The following SDAD1 variants were observed in gnomAD, a reference collection of about 807,000 sequenced individuals.
SDAD1 encodes the protein SDA1 domain containing 1, also known as protein SDA1 homolog.
In SDAD1, 79 loss-of-function variants were observed where a neutral mutation model predicts 100.3. That is an observed-to-expected ratio of 0.79 (90% CI 0.66 to 0.95). The LOEUF (loss-of-function observed/expected upper bound fraction) is 0.95. Ranked by LOEUF, SDAD1 falls within the 40% of genes least tolerant of loss-of-function variation. The pLI, the probability that SDAD1 is intolerant of heterozygous loss-of-function variation, is 0.00. For missense variants in SDAD1, 790 were observed against 810.9 expected, an observed-to-expected ratio of 0.97 and a Z score of 0.31; for synonymous variants, 267 against 271.4, an observed-to-expected ratio of 0.98 and a Z score of 0.16.
chr4:75,985,949 T>G (rs1220720960), intron 1 of SDAD1, among the ~76,000 whole-genome samples: 2 of 152,114 alleles, frequency 1.3e-5, no homozygotes, highest in Non-Finnish European at 2.9e-5. Flanking sequence ...AATTCCATGA[T>G]CAATCATTAT....
At position 75,990,915 on chromosome 4, in the gene SDAD1, A is replaced by C. The variant is rs1731234633; in HGVS notation, c.-74T>G. 3 of 1,579,238 alleles carry C rather than the reference A, an allele frequency of 1.9e-6. No individual in the cohort carries two copies. The African/African-American group carries it at 4.0e-5, about 21-fold the overall frequency. On this transcript the variant is annotated 5_prime_UTR_variant, in exon 1 of 22. Coordinates refer to ENST00000356260, the MANE Select transcript of SDAD1 (RefSeq NM_018115.4). ...CGGCCGGCACCCCGCAATCCCTGCCAGCTGCAGCTTGGACTCGTGTTTCCG... is the reference window on the plus strand; with the variant it reads ...CGGCCGGCACCCCGCAATCCCTGCCCGCTGCAGCTTGGACTCGTGTTTCCG...
chr4:75,970,242 C>T, intron 10 of SDAD1, 67 bp downstream of exon 10: 1 of 1,346,034 alleles, frequency 7.4e-7, no homozygotes, highest in Non-Finnish European at 1.1e-6. Context: ...CCTGAAAACC[C>T]CAAAGGCAGG....
chr4:75,979,399 T>C (rs1451552971), intron 3 of SDAD1, among the ~76,000 whole-genome samples: 1 of 152,124 alleles, frequency 6.6e-6, no homozygotes, highest in South Asian at 2.1e-4. Flanking sequence ...GTGTGTTCAA[T>C]GCTTCCTCTA....
At chr4:75,964,233 G>A in intron 13 of SDAD1, 22 bp from the exon 14 acceptor site, 1 of 1,469,366 alleles carries the variant, frequency 6.8e-7, no homozygotes, top group Non-Finnish European at 9.5e-7. Context: ...ACAAAAAAGA[G>A]ATGGGTGCTG....
chr4:75,968,686 T>C (rs1166821893), intron 11 of SDAD1, among the ~76,000 whole-genome samples: 2 of 152,150 alleles, frequency 1.3e-5, no homozygotes, highest in African/African-American at 4.8e-5. Context: ...ATGTGCATTA[T>C]ATTGGCTCAA....
intron 17 of SDAD1, among the ~76,000 whole-genome samples, chr4:75,959,569 A>G (rs1368548199): frequency 1.3e-5 from 2 of 151,792 alleles, no homozygotes; most frequent in Non-Finnish European, 2.9e-5. Context: ...GTACCACTGC[A>G]CTCCAGCCTG....
chr4:75,967,913 G>C (rs1209159661), intron 11 of SDAD1, among the ~76,000 whole-genome samples: 3 of 152,102 alleles, frequency 2.0e-5, no homozygotes, highest in African/African-American at 4.8e-5. Context: ...AAGGTGACCA[G>C]GGTTATTAAG....
At chr4:75,989,508 A>G (rs185419501) in intron 1 of SDAD1, among the ~76,000 whole-genome samples, 1 of 152,298 alleles carries the variant, frequency 6.6e-6, no homozygotes, top group Admixed American at 6.5e-5. Context: ...GTTATATGTG[A>G]TTTTGCATAT....
chr4:75,984,778 AACACACACACACACACACAC>A (rs35320227), intron 1 of SDAD1, among the ~76,000 whole-genome samples: 1 of 136,928 alleles, frequency 7.3e-6, no homozygotes, highest in Non-Finnish European at 1.6e-5. Flanking sequence ...CACACACACA[AACACACACACACACACACAC>A]ACACACACAC....
At chr4:75,963,663 T>C (rs1003406089) in intron 14 of SDAD1, among the ~76,000 whole-genome samples, 2 of 152,076 alleles carry the variant, frequency 1.3e-5, no homozygotes, top group Admixed American at 6.5e-5. Flanking sequence ...CAGTGAGTTA[T>C]AAAAAAGTGA....
chr4:75,978,983 A>G (rs1255864256), intron 3 of SDAD1, among the ~76,000 whole-genome samples: 3 of 64,008 alleles, frequency 4.7e-5, no homozygotes, highest in Non-Finnish European at 7.6e-5. Flanking sequence ...CCTGTCTCAG[A>G]AAAAAAAAAA....
rs376569751 is a variant in SDAD1 at position 75,974,097 on chromosome 4, T to C, written c.615A>G (p.Ala205=). ...DAKTVNVITT[A]CFSKVTKILV... The stretch of plus-strand genomic sequence containing the variant: ...TCACCTTGGTGACCTTAGAGAAACA[T>C]GCAGTTGTGATAACATTGACAGTTT... Residue 205 remains alanine (A), a synonymous_variant, in exon 7 of 22, where the codon GCA becomes GCG. Transcript: ENST00000356260. 6.2e-7 allele frequency: 1 copy of C among 1,613,748 alleles called. No individual in the cohort carries two copies. Among genetic ancestry groups the C allele is most frequent in the Non-Finnish European group, 8.5e-7 (1 of 1,179,780 alleles).
At chr4:75,976,043 T>C in intron 4 of SDAD1, 48 bp from the exon 5 acceptor site, 1 of 1,194,972 alleles carries the variant, frequency 8.4e-7, no homozygotes, top group Non-Finnish European at 1.2e-6. Context: ...ACCAACATTT[T>C]TAACCTTGCT....
chr4:75,950,124 A>C lies in SDAD1; in HGVS notation c.*626T>G, dbSNP rs1728545267. 8.1e-6 allele frequency: 1 copy of C among 122,940 alleles called. No individual in the cohort carries two copies. Among genetic ancestry groups the C allele is most frequent in the Admixed American group, 8.5e-5 (1 of 11,706 alleles). The allele number at this position is 122,940 out of a possible 1,614,324, so 7.6% of individuals were successfully genotyped here. On this transcript the variant is annotated 3_prime_UTR_variant, in exon 22 of 22. Transcript: ENST00000356260. ...TGGCATTCAAAACAAAAACAAAAAC[A>C]AAAAAAACACGGGGGGGGGGGGGTC... is the stretch of plus-strand genomic sequence containing the variant.
chr4:75,951,255 C>CA lies in SDAD1; in HGVS notation c.2017-459dup, dbSNP rs534612063. 2.4e-3 allele frequency among the ~76,000 whole-genome samples: 365 copies of CA among 152,246 alleles called. 2 individuals carry two copies. The highest frequency in any genetic ancestry group is 4.1e-3 in the Non-Finnish European group (280 of 68,006). On this transcript the variant is annotated intron_variant, in intron 21 of 21. Coordinates refer to ENST00000356260, the MANE Select transcript of SDAD1 (RefSeq NM_018115.4). ...CTAAATATGGCATGTATGGATCACT[C>CA]AAAGATTTTATAATGGCATTCAGCA... is the stretch of plus-strand genomic sequence containing the variant.
chr4:75,975,578 A>G (rs1241415123), intron 6 of SDAD1, among the ~76,000 whole-genome samples, 166 bp downstream of exon 6: 1 of 152,232 alleles, frequency 6.6e-6, no homozygotes, highest in Non-Finnish European at 1.5e-5. Context: ...ATGATAACCA[A>G]TGTCATTAGT....
chr4:75,983,189 T>C (rs1197292934), intron 1 of SDAD1, among the ~76,000 whole-genome samples: 1 of 152,222 alleles, frequency 6.6e-6, no homozygotes, highest in African/African-American at 2.4e-5. Flanking sequence ...ATCTAGTCTA[T>C]CATTGATGGG....
intron 13 of SDAD1, among the ~76,000 whole-genome samples, chr4:75,965,332 A>G (rs377451979): frequency 1.3e-5 from 2 of 152,206 alleles, no homozygotes; most frequent in African/African-American, 4.8e-5. Flanking sequence ...CTGTCTCCTG[A>G]TAAGATGTTA....
At chr4:75,989,702 C>T (rs1203809258) in intron 1 of SDAD1, among the ~76,000 whole-genome samples, 1 of 152,220 alleles carries the variant, frequency 6.6e-6, no homozygotes, top group African/African-American at 2.4e-5. Context: ...CTATACAATG[C>T]TTTAAGCATC....
Sources: gnomAD v4.1 joint callset for allele counts (sites outside exome capture counted in the v4.1 genomes callset) on GRCh38, gnomAD v4.1.1 for gene constraint, MANE v1.5 for transcripts, NCBI Gene and HGNC (gene_info 2026-07-23, HGNC 2026-07-21) for gene names.